The following AQP10 variants were observed in gnomAD, a reference collection of about 807,000 sequenced individuals.
The protein encoded by AQP10 is aquaporin-10.
In AQP10, 15 loss-of-function variants were observed where a neutral mutation model predicts 21.0. The observed-to-expected ratio is 0.71, with a 90% CI of 0.48 to 1.10. The LOEUF is 1.10. Ranked by LOEUF, AQP10 falls within the 50% of genes least tolerant of loss-of-function variation. The pLI is 0.00. For missense variants in AQP10, 268 were observed against 379.5 expected, an observed-to-expected ratio of 0.71 and a Z score of 2.44; for synonymous variants, 143 against 155.7, an observed-to-expected ratio of 0.92 and a Z score of 0.61.
rs147224722 is a variant in AQP10 at position 154,323,630 on chromosome 1, C to T, written c.531C>T (p.Ile177=). Reference sequence around the variant, plus strand: ...TGCTGATTGTGGGGCTCTTGGCCATCCTGGACAGACGGAACAAGGGAGTCC... The same window carrying T: ...TGCTGATTGTGGGGCTCTTGGCCATTCTGGACAGACGGAACAAGGGAGTCC... ...TGMLIVGLLA[I]LDRRNKGVPA... Residue 177 remains isoleucine, a synonymous_variant, in exon 5 of 6, where the codon ATC becomes ATT. Coordinates refer to ENST00000324978, the MANE Select transcript of AQP10 (RefSeq NM_080429.3). This position sits in a 1 kb window ranked among gnomAD's most constrained non-coding sequence, Gnocchi z 4.5. 2.5e-6 allele frequency: 4 copies of T among 1,614,064 alleles called. No homozygotes were observed. The highest frequency in any genetic ancestry group is 2.7e-5 in the African/African-American group (2 of 74,918).
At position 154,323,378 on chromosome 1, in the gene AQP10, C is replaced by T; in HGVS notation, c.489+19C>T. On this transcript the variant is annotated intron_variant, in intron 4 of 5. Coordinates refer to ENST00000324978, the MANE Select transcript of AQP10 (RefSeq NM_080429.3). This position sits in a 1 kb window ranked among gnomAD's most constrained non-coding sequence, Gnocchi z 4.5. ...GGATCAGGTAAGTGTGAGGGGGAGACCTGGGGACACTACTTTGGTCCTGTT... is the reference window on the plus strand; with the variant it reads ...GGATCAGGTAAGTGTGAGGGGGAGATCTGGGGACACTACTTTGGTCCTGTT... 6.2e-7 allele frequency: 1 copy of T among 1,604,204 alleles called. No homozygotes were observed. The highest frequency in any genetic ancestry group is 8.5e-7 in the Non-Finnish European group (1 of 1,171,746).
Position 154,321,945 on chromosome 1 carries a change from G to A in AQP10, c.118G>A (p.Gly40Arg). ...CTCTTCTCAGCAGCTCCTCACCCAAGGAGCTGTGGCCCAGGCTGTCACCAG... is the reference window on the plus strand; with the variant it reads ...CTCTTCTCAGCAGCTCCTCACCCAAAGAGCTGTGGCCCAGGCTGTCACCAG... ...GVFVLMLLTQ[G>R]AVAQAVTSGE... The change falls in exon 2 of 6, where the codon GGA (glycine) becomes AGA (arginine). Residue 40 changes from glycine (G) to arginine (R), a missense_variant. Around this residue, in one of 3 missense-constraint regions of AQP10, gnomAD observed 6 missense variants for 37.4 expected, o/e 0.16. Coordinates refer to ENST00000324978, the MANE Select transcript of AQP10 (RefSeq NM_080429.3). 6.2e-7 allele frequency: 1 copy of A among 1,612,762 alleles called. No individual in the cohort carries two copies. The highest frequency in any genetic ancestry group is 1.1e-5 in the South Asian group (1 of 90,962).
chr1:154,321,394 G>T, intron 1 of AQP10, 134 bp downstream of exon 1: 2 of 589,566 alleles, frequency 3.4e-6, no homozygotes, highest in East Asian at 3.2e-5. Flanking sequence ...TTATCCTCTC[G>T]TCTCTCCTAA....
In AQP10 at chr1:154,323,202, A is replaced by G. The variant is rs752262909; in HGVS notation, c.371-39A>G. The G allele has an allele frequency of 1.2e-6, 2 of 1,613,744 alleles. No individual in the cohort carries two copies. The highest frequency in any genetic ancestry group is 8.5e-7 in the Non-Finnish European group (1 of 1,179,656). On this transcript the variant is annotated intron_variant, in intron 3 of 5. Coordinates refer to ENST00000324978, the MANE Select transcript of AQP10 (RefSeq NM_080429.3). This position sits in a 1 kb window ranked among gnomAD's most constrained non-coding sequence, Gnocchi z 4.5. ...GCCTCAGAATGGTTTTGGATGAATGAGCAAAGAGGGAAATCCTGGGTGTTC... is the reference window on the plus strand; with the variant it reads ...GCCTCAGAATGGTTTTGGATGAATGGGCAAAGAGGGAAATCCTGGGTGTTC...
At chr1:154,322,156 T>C in intron 2 of AQP10, 97 bp downstream of exon 2, 1 of 1,530,520 alleles carries the variant, frequency 6.5e-7, no homozygotes. Context: ...CTGTGACTCG[T>C]GGACATTATC....
rs5777905 is a variant in AQP10, at chr1:154,322,489, C to CTT, written c.232+447_232+448dup. On this transcript the variant is annotated intron_variant, in intron 2 of 5. Coordinates refer to ENST00000324978, the MANE Select transcript of AQP10 (RefSeq NM_080429.3). ...AACTTTGGATTCACAGTGTCTTCTTCTTTTTTTTTTTTTTTTTTCTTTTTT... is the reference window on the plus strand; with the variant it reads ...AACTTTGGATTCACAGTGTCTTCTTCTTTTTTTTTTTTTTTTTTTTCTTTTTT... 5.6e-3 allele frequency among the ~76,000 whole-genome samples: 656 copies of CTT among 117,696 alleles called. 6 individuals are homozygous for CTT. The highest frequency in any genetic ancestry group is 8.8e-3 in the East Asian group (35 of 3,984). 77.2% of individuals were successfully genotyped at this position (117,696 alleles called of 152,430 possible). A position where few individuals can be genotyped will look rare whatever the true frequency, so the allele number is the denominator to read the frequency against.
chr1:154,324,568 G>A lies in AQP10; in HGVS notation c.*88G>A. On this transcript the variant is annotated 3_prime_UTR_variant, in exon 6 of 6. Coordinates refer to ENST00000324978, the MANE Select transcript of AQP10 (RefSeq NM_080429.3). ...ACAGTCATTCTTCCTCTTTGTTAATGTGCCAGAACCTGGGAGGCTTCTCTG... is the reference window on the plus strand; with the variant it reads ...ACAGTCATTCTTCCTCTTTGTTAATATGCCAGAACCTGGGAGGCTTCTCTG... 1 of 1,387,906 alleles carries A rather than the reference G, an allele frequency of 7.2e-7. No individual in the cohort carries two copies. The highest frequency in any genetic ancestry group is 9.9e-7 in the Non-Finnish European group (1 of 1,013,122). The allele number at this position is 1,387,906 out of a possible 1,614,324, so 86.0% of individuals were successfully genotyped here.
In AQP10 at chr1:154,323,281, T is replaced by C. The variant is rs904588777; in HGVS notation, c.411T>C (p.Thr137=). The change falls in exon 4 of 6, where the codon ACT becomes ACC. Residue 137 remains threonine (T), a synonymous_variant. Transcript: ENST00000324978. This position sits in a 1 kb window ranked among gnomAD's most constrained non-coding sequence, Gnocchi z 4.5. ...QNYTGGNLTV[T]GPKETASIFA... ...ATACAGGTGGGAACCTGACAGTGACTGGCCCCAAGGAGACAGCCTCCATTT... is the reference window on the plus strand; with the variant it reads ...ATACAGGTGGGAACCTGACAGTGACCGGCCCCAAGGAGACAGCCTCCATTT... 4.3e-6 allele frequency: 7 copies of C among 1,614,086 alleles called. No homozygotes were observed. The African/African-American group carries it at 8.0e-5, about 18-fold the overall frequency.
intron 2 of AQP10, among the ~76,000 whole-genome samples, chr1:154,322,503 T>TTG (rs1685668288): frequency 6.8e-6 from 1 of 147,888 alleles, no homozygotes; most frequent in Admixed American, 6.7e-5. Context: ...TTTTTTTTTT[T>TTG]TTTTCTTTTT....
chr1:154,321,829 C>T, intron 1 of AQP10, 104 bp from the exon 2 acceptor site: 1 of 1,511,660 alleles, frequency 6.6e-7, no homozygotes, highest in South Asian at 1.2e-5. Context: ...CCTTGCTTGT[C>T]TTCTGTGCTC....
In AQP10 at chr1:154,323,494, G is replaced by A; in HGVS notation, c.490-95G>A. On this transcript the variant is annotated intron_variant, in intron 4 of 5. Transcript: ENST00000324978. This position sits in a 1 kb window ranked among gnomAD's most constrained non-coding sequence, Gnocchi z 4.5. ...CCCACCATCCCCAACTGCCTGTGTTGCACAAAGCCAGATGACATGGAATAT... is the reference window on the plus strand; with the variant it reads ...CCCACCATCCCCAACTGCCTGTGTTACACAAAGCCAGATGACATGGAATAT... The A allele has an allele frequency of 2.0e-6, 3 of 1,514,092 alleles. No individual in the cohort carries two copies. The highest frequency in any genetic ancestry group is 2.3e-5 in the East Asian group (1 of 44,182). The allele number at this position is 1,514,092 out of a possible 1,614,324, so 93.8% of individuals were successfully genotyped here.
intron 2 of AQP10, among the ~76,000 whole-genome samples, chr1:154,322,540 C>A (rs1411901255): frequency 7.3e-6 from 1 of 136,880 alleles, no homozygotes; most frequent in African/African-American, 2.7e-5. Flanking sequence ...CACTCTGTTG[C>A]CCAGGCTGGA....
chr1:154,324,489 A>G lies in AQP10; in HGVS notation c.*9A>G, dbSNP rs547502077. 5.3e-5 allele frequency: 86 copies of G among 1,611,156 alleles called. No homozygotes were observed. The South Asian group carries it at 5.9e-4, about 11-fold the overall frequency. ...TGGAGTGTAAGCTATGATTAGGACA[A>G]CCCTCACTTCACTCATGGACCCTGG... On this transcript the variant is annotated 3_prime_UTR_variant, in exon 6 of 6. Coordinates refer to ENST00000324978, the MANE Select transcript of AQP10 (RefSeq NM_080429.3).
At position 154,321,962 on chromosome 1, in the gene AQP10, T is replaced by C. The variant is rs1270534082; in HGVS notation, c.135T>C (p.Ala45=). ...MLLTQGAVAQ[A]VTSGETKGNF... ...TCACCCAAGGAGCTGTGGCCCAGGC[T>C]GTCACCAGTGGAGAAACCAAAGGCA... is the stretch of plus-strand genomic sequence containing the variant. The change falls in exon 2 of 6, where the codon GCT becomes GCC. Residue 45 remains alanine, a synonymous_variant. Transcript: ENST00000324978. 5 of 1,613,332 alleles carry C rather than the reference T, an allele frequency of 3.1e-6. No individual in the cohort carries two copies. The South Asian group carries it at 5.5e-5, about 18-fold the overall frequency.
Position 154,323,794 on chromosome 1 carries a change from C to T in AQP10, c.695C>T (p.Pro232Leu). ...TTCACCTACGTGGCTGGCTGGGGTC[C>T]TGAAGTCTTCAGGTGGGAGACAGAC... is the stretch of plus-strand genomic sequence containing the variant. ...RLFTYVAGWG[P>L]EVFSAGNGWW... is the part of the protein sequence containing the mutation. Residue 232 changes from proline to leucine, a missense_variant, in exon 5 of 6, where the codon CCT becomes CTT. Around this residue, in one of 3 missense-constraint regions of AQP10, gnomAD observed 229 missense variants for 295.1 expected, o/e 0.78. Transcript: ENST00000324978. This position sits in a 1 kb window ranked among gnomAD's most constrained non-coding sequence, Gnocchi z 4.5. 4 of 1,614,052 alleles carry T rather than the reference C, an allele frequency of 2.5e-6. No homozygotes were observed. The highest frequency in any genetic ancestry group is 3.4e-6 in the Non-Finnish European group (4 of 1,179,952).
At chr1:154,321,762 C>T (rs1314658738) in intron 1 of AQP10, among the ~76,000 whole-genome samples, 171 bp from the exon 2 acceptor site, 1 of 152,108 alleles carries the variant, frequency 6.6e-6, no homozygotes, top group Non-Finnish European at 1.5e-5. Flanking sequence ...CTTTCCCTTT[C>T]TTCTTCCTCC....
Position 154,324,487 on chromosome 1 carries a change from C to T in AQP10, c.*7C>T, listed in dbSNP as rs1685718191. The T allele has an allele frequency of 6.2e-7, 1 of 1,611,818 alleles. No individual in the cohort carries two copies. The highest frequency in any genetic ancestry group is 1.6e-4 in the Middle Eastern group (1 of 6,070). On this transcript the variant is annotated 3_prime_UTR_variant, in exon 6 of 6. Coordinates refer to ENST00000324978, the MANE Select transcript of AQP10 (RefSeq NM_080429.3). Reference sequence around the variant, plus strand: ...GCTGGAGTGTAAGCTATGATTAGGACAACCCTCACTTCACTCATGGACCCT... The same window carrying T: ...GCTGGAGTGTAAGCTATGATTAGGATAACCCTCACTTCACTCATGGACCCT...
chr1:154,321,398 C>G lies in AQP10; in HGVS notation c.105+138C>G, dbSNP rs577875521. 4 of 571,476 alleles carry G rather than the reference C, an allele frequency of 7.0e-6. No individual in the cohort carries two copies. In the African/African-American group the frequency reaches 7.8e-5, roughly 11 times the overall value. 35.4% of individuals were successfully genotyped at this position (571,476 alleles called of 1,614,324 possible). A position where few individuals can be genotyped will look rare whatever the true frequency, so the allele number is the denominator to read the frequency against. On this transcript the variant is annotated intron_variant, in intron 1 of 5. Coordinates refer to ENST00000324978, the MANE Select transcript of AQP10 (RefSeq NM_080429.3). ...ACTTTTCGTTTTTATCCTCTCGTCT[C>G]TCCTAATCTCCTTTCCTCTCCTACT...
chr1:154,321,101 A>G lies in AQP10; in HGVS notation c.-55A>G, dbSNP rs377429594. On this transcript the variant is annotated 5_prime_UTR_variant, in exon 1 of 6. Coordinates refer to ENST00000324978, the MANE Select transcript of AQP10 (RefSeq NM_080429.3). Reference sequence around the variant, plus strand: ...GGAGGCAGGCAGTAGCTGTGCAGTGACAGTGTGCCTATGCAGACAGAGGGA... The same window carrying G: ...GGAGGCAGGCAGTAGCTGTGCAGTGGCAGTGTGCCTATGCAGACAGAGGGA... 16 of 1,428,722 alleles carry G rather than the reference A, an allele frequency of 1.1e-5. No individual in the cohort carries two copies. Among genetic ancestry groups the G allele is most frequent in the East Asian group, 4.7e-5 (2 of 42,378 alleles). 88.5% of individuals were successfully genotyped at this position (1,428,722 alleles called of 1,614,324 possible).
Sources: gnomAD v4.1 joint callset for allele counts (sites outside exome capture counted in the v4.1 genomes callset) on GRCh38, gnomAD v4.1.1 for gene constraint, gnomAD v4.1.1 regional missense constraint, Gnocchi (gnomAD v3.1) non-coding constraint, MANE v1.5 for transcripts, NCBI Gene and HGNC (gene_info 2026-07-23, HGNC 2026-07-21) for gene names.